Variants in COBL observed in about 807,000 individuals in gnomAD.
COBL encodes the protein protein cordon-bleu.
In COBL, 51 loss-of-function variants were observed where a neutral mutation model predicts 98.8. The observed-to-expected ratio is 0.52, with a 90% confidence interval of 0.41 to 0.65. The LOEUF (loss-of-function observed/expected upper bound fraction) is 0.65, where lower values mean the gene tolerates loss of function less well. Ranked by LOEUF, COBL falls within the 30% of genes least tolerant of loss-of-function variation. The pLI, the probability that COBL is intolerant of heterozygous loss-of-function variation, is 0.00. For missense variants in COBL, 1,617 were observed against 1,617.5 expected (o/e 1.00, Z 0.01); for synonymous variants, 634 against 651.7 (o/e 0.97, Z 0.41).
At chr7:51,315,259 CAAA>C (rs71021769) in intron 1 of COBL, among the ~76,000 whole-genome samples, 2 of 137,520 alleles carry the variant, frequency 1.5e-5, no homozygotes, top group Non-Finnish European at 1.6e-5. Flanking sequence ...AAGTGCACTG[CAAA>C]AAAAAAAAAA....
intron 7 of COBL, among the ~76,000 whole-genome samples, chr7:51,079,660 C>T (rs1046030836): frequency 1.3e-5 from 2 of 152,190 alleles, no homozygotes; most frequent in African/African-American, 4.8e-5. Flanking sequence ...AGACAGGCAC[C>T]TGAGGTGGCC....
intron 1 of COBL, among the ~76,000 whole-genome samples, chr7:51,287,872 T>C (rs1270365645): frequency 6.6e-6 from 1 of 152,026 alleles, no homozygotes. Flanking sequence ...CTACTGACAG[T>C]TGACTGAAAG....
chr7:51,206,617 T>C (rs1162542344), intron 2 of COBL, among the ~76,000 whole-genome samples: 1 of 152,160 alleles, frequency 6.6e-6, no homozygotes, highest in Non-Finnish European at 1.5e-5. Flanking sequence ...GAAGTGGAAG[T>C]AACCTAAATG....
At chr7:51,281,331 A>T (rs964641311) in intron 1 of COBL, among the ~76,000 whole-genome samples, 1 of 152,190 alleles carries the variant, frequency 6.6e-6, no homozygotes, top group African/African-American at 2.4e-5. Flanking sequence ...TTTCATGTCA[A>T]TGGGATCCTA....
intron 2 of COBL, 114 bp from the exon 3 acceptor site, chr7:51,193,703 C>T: frequency 1.1e-6 from 1 of 891,308 alleles, no homozygotes; most frequent in Non-Finnish European, 1.7e-6. Flanking sequence ...ATTAGATATG[C>T]TTATGAAAAA....
At chr7:51,250,113 GAAGA>G (rs1563088091) in intron 1 of COBL, among the ~76,000 whole-genome samples, 1 of 151,436 alleles carries the variant, frequency 6.6e-6, no homozygotes, top group East Asian at 1.9e-4. Flanking sequence ...AAAAAAAAAA[GAAGA>G]AAGAAAATAC....
chr7:51,244,501 A>C (rs1466555806), intron 1 of COBL, among the ~76,000 whole-genome samples: 3 of 147,350 alleles, frequency 2.0e-5, no homozygotes, highest in African/African-American at 7.5e-5. Flanking sequence ...AGATAGAGAG[A>C]GTTGTGTGGA....
intron 1 of COBL, among the ~76,000 whole-genome samples, chr7:51,282,263 T>G (rs185680702): frequency 6.6e-6 from 1 of 152,238 alleles, no homozygotes; most frequent in East Asian, 1.9e-4. Context: ...TATAATTATT[T>G]AATGTAAATG....
intron 7 of COBL, among the ~76,000 whole-genome samples, chr7:51,060,688 C>T (rs1379641976): frequency 2.0e-5 from 3 of 152,156 alleles, no homozygotes; most frequent in African/African-American, 7.2e-5. Flanking sequence ...ACTAGCAAAA[C>T]GTTTTCCTCA....
chr7:51,104,476 A>C (rs1356262026), intron 6 of COBL, among the ~76,000 whole-genome samples: 1 of 152,216 alleles, frequency 6.6e-6, no homozygotes, highest in African/African-American at 2.4e-5. Flanking sequence ...TAAGTTGCTT[A>C]ACCTCTCTGT....
At chr7:51,071,492 A>C (rs534987467) in intron 7 of COBL, 102 of 152,276 alleles carry the variant, frequency 6.7e-4, no homozygotes, top group African/African-American at 2.3e-3. Flanking sequence ...GATCAAGTAA[A>C]TTGGGGGTGC....
chr7:51,175,104 G>T (rs1390236072), intron 5 of COBL, among the ~76,000 whole-genome samples: 1 of 152,224 alleles, frequency 6.6e-6, no homozygotes, highest in African/African-American at 2.4e-5. Flanking sequence ...TTTCTGGAAT[G>T]GAGGTTCTAT....
intron 2 of COBL, among the ~76,000 whole-genome samples, chr7:51,198,970 G>C (rs1790855302): frequency 6.6e-6 from 1 of 152,196 alleles, no homozygotes; most frequent in African/African-American, 2.4e-5. Context: ...TTTGGTACCA[G>C]CTATGGACTG....
intron 6 of COBL, among the ~76,000 whole-genome samples, chr7:51,097,093 A>G (rs777874372): frequency 6.6e-6 from 1 of 152,212 alleles, no homozygotes; most frequent in Non-Finnish European, 1.5e-5. Context: ...TTCTCAACCA[A>G]GCACTAGCAA....
chr7:51,288,620 G>C (rs1259562790), intron 1 of COBL, among the ~76,000 whole-genome samples: 1 of 151,688 alleles, frequency 6.6e-6, no homozygotes, highest in African/African-American at 2.4e-5. Context: ...AGGCATGGTT[G>C]GGGGGTGCCT....
At chr7:51,139,855 G>C (rs2129010526) in intron 5 of COBL, among the ~76,000 whole-genome samples, 1 of 152,272 alleles carries the variant, frequency 6.6e-6, no homozygotes, top group East Asian at 1.9e-4. Context: ...ATGCAGTCTG[G>C]AGTCAAAACA....
At chr7:51,293,020 T>C (rs917096795) in intron 1 of COBL, among the ~76,000 whole-genome samples, 2 of 152,212 alleles carry the variant, frequency 1.3e-5, no homozygotes, top group Admixed American at 1.3e-4. Context: ...TAAAATTCAA[T>C]AAACTTCACA....
At chr7:51,232,607 C>G (rs745452427) in intron 1 of COBL, among the ~76,000 whole-genome samples, 2 of 152,080 alleles carry the variant, frequency 1.3e-5, no homozygotes, top group Non-Finnish European at 2.9e-5. Context: ...GTCAGGAGAT[C>G]GAGACCATCC....
intron 1 of COBL, among the ~76,000 whole-genome samples, chr7:51,236,995 C>T (rs1795317047): frequency 6.6e-6 from 1 of 152,188 alleles, no homozygotes; most frequent in Admixed American, 6.5e-5. Flanking sequence ...GCCCTGCTTC[C>T]GGTCTGCACT....
Sources: gnomAD v4.1 joint callset for allele counts (sites outside exome capture counted in the v4.1 genomes callset) on GRCh38, gnomAD v4.1.1 for gene constraint, MANE v1.5 for transcripts, NCBI Gene and HGNC (gene_info 2026-07-23, HGNC 2026-07-21) for gene names.